Variants in NTN1 observed in about 807,000 individuals in gnomAD.
The protein encoded by NTN1 is netrin 1, also known as netrin-1.
A neutral mutation model predicts 54.2 loss-of-function variants in NTN1; 11 were observed. The ratio of observed to expected loss-of-function variants is 0.20; its 90% CI spans 0.13 to 0.34. The LOEUF (loss-of-function observed/expected upper bound fraction) is 0.34. Ranked by LOEUF, NTN1 falls within the 10% of genes least tolerant of loss-of-function variation. NTN1 has a pLI of 1.00. For synonymous variants in NTN1, 371 were observed against 382.0 expected, an observed-to-expected ratio of 0.97 and a Z score of 0.33; for missense variants, 740 against 893.1, an observed-to-expected ratio of 0.83 and a Z score of 2.18.
At chr17:9,191,895 AG>A (rs1358524714) in intron 5 of NTN1, among the ~76,000 whole-genome samples, 7 of 135,222 alleles carry the variant, frequency 5.2e-5, no homozygotes, top group African/African-American at 1.9e-4. Context: ...AAAAAAATCC[AG>A]GGGTGTTGGC....
In NTN1 at chr17:9,236,597, T is replaced by C. The variant is rs190454730; in HGVS notation, c.1487-3043T>C. Among the ~76,000 whole-genome samples, 67 of 152,342 alleles carry C rather than the reference T, an allele frequency of 4.4e-4. No homozygotes were observed. The East Asian group carries it at 9.3e-3, about 21-fold the overall frequency. ...CATGAGTCCTACCACTACCTGTCCC[T>C]GCCCCTGCGGCCAGGACAGCTCCCA... On this transcript the variant is annotated intron_variant, in intron 6 of 6. Transcript: ENST00000173229.
chr17:9,096,154 CA>C (rs752290759), intron 2 of NTN1, among the ~76,000 whole-genome samples: 5 of 152,004 alleles, frequency 3.3e-5, no homozygotes, highest in Non-Finnish European at 5.9e-5. Context: ...ATCAGGTATC[CA>C]CATGGTTTCC....
intron 2 of NTN1, among the ~76,000 whole-genome samples, chr17:9,126,481 A>G (rs2092247686): frequency 6.7e-6 from 1 of 149,134 alleles, no homozygotes; most frequent in African/African-American, 2.5e-5. Context: ...TTGCACTCCC[A>G]GCCTGGGTGA....
upstream of NTN1, among the ~76,000 whole-genome samples, chr17:9,020,177 A>G (rs1170355023): frequency 2.0e-5 from 3 of 152,194 alleles, no homozygotes; most frequent in Admixed American, 6.5e-5. Flanking sequence ...AATAAGACAA[A>G]CTGAGGCACT....
chr17:9,189,800 C>G (rs1222188385), intron 5 of NTN1, among the ~76,000 whole-genome samples: 1 of 152,174 alleles, frequency 6.6e-6, no homozygotes, highest in Non-Finnish European at 1.5e-5. Flanking sequence ...AAAGCCACTG[C>G]CTTTTACAGG....
intron 2 of NTN1, among the ~76,000 whole-genome samples, chr17:9,142,373 A>T (rs2092300778): frequency 6.6e-6 from 1 of 151,978 alleles, no homozygotes; most frequent in African/African-American, 2.4e-5. Flanking sequence ...GCCAGACAAG[A>T]TGTACAACCT....
At chr17:9,198,875 G>A (rs545364466) in intron 5 of NTN1, among the ~76,000 whole-genome samples, 10 of 152,258 alleles carry the variant, frequency 6.6e-5, no homozygotes, top group African/African-American at 2.4e-4. Flanking sequence ...AGGACTAACC[G>A]CTTTCACCTA....
chr17:9,162,551 G>A (rs1216205170), intron 2 of NTN1, among the ~76,000 whole-genome samples: 1 of 152,234 alleles, frequency 6.6e-6, no homozygotes, highest in Non-Finnish European at 1.5e-5. Flanking sequence ...TCCAAATATG[G>A]TCACATTCTG....
the NTN1 span, among the ~76,000 whole-genome samples, chr17:9,013,216 C>CT: frequency 0.34 from 39,804 of 118,668 alleles, 6,735 homozygotes; most frequent in African/African-American, 0.4. Flanking sequence ...TTTTCTTTTT[C>CT]TTTTTTTTTT....
intron 2 of NTN1, among the ~76,000 whole-genome samples, chr17:9,084,200 C>T (rs965266453): frequency 8.6e-5 from 13 of 151,836 alleles, no homozygotes; most frequent in Admixed American, 1.3e-4. Context: ...CTCCGCCTCC[C>T]GGGTTTAAGT....
chr17:9,133,777 AT>A (rs1287975362), intron 2 of NTN1, among the ~76,000 whole-genome samples: 55 of 63,296 alleles, frequency 8.7e-4, no homozygotes, highest in African/African-American at 3.7e-3. Flanking sequence ...TTTTTTTTGT[AT>A]TTTAGTAGAG....
intron 2 of NTN1, among the ~76,000 whole-genome samples, chr17:9,114,166 A>AAAAAATATATATATATATATATATAT (rs1555569108): frequency 4.0e-5 from 3 of 74,622 alleles, no homozygotes. Flanking sequence ...AAAAAAAAAA[A>AAAAAATATATATATATATATATATAT]ATATATATAT....
rs1352695014 is a variant in NTN1, at chr17:9,135,544, G to T, written c.1019-27269G>T. Among the ~76,000 whole-genome samples the T allele has an allele frequency of 6.6e-6, 1 of 152,224 alleles. No individual in the cohort carries two copies. The highest frequency in any genetic ancestry group is 1.5e-5 in the Non-Finnish European group (1 of 68,050). On this transcript the variant is annotated intron_variant, in intron 2 of 6. Transcript: ENST00000173229. This position sits in a 1 kb window ranked among gnomAD's most constrained non-coding sequence, Gnocchi z 4.4. Reference sequence around the variant, plus strand: ...GACTCTCCTAAGTTCTGAATGCAGAGGATTGGCTGAGATCCACGCTTCTTG... The same window carrying T: ...GACTCTCCTAAGTTCTGAATGCAGATGATTGGCTGAGATCCACGCTTCTTG...
At chr17:9,204,325 T>C (rs915984411) in intron 5 of NTN1, among the ~76,000 whole-genome samples, 7 of 151,142 alleles carry the variant, frequency 4.6e-5, no homozygotes, top group African/African-American at 1.7e-4. Flanking sequence ...TCTGACAGAG[T>C]CTCTGTTGCC....
At chr17:9,217,288 C>T (rs987969847) in intron 5 of NTN1, among the ~76,000 whole-genome samples, 2 of 152,180 alleles carry the variant, frequency 1.3e-5, no homozygotes, top group African/African-American at 4.8e-5. Context: ...GCTTAGTCCA[C>T]CACCATCTGC....
At chr17:9,193,658 C>G (rs1405119962) in intron 5 of NTN1, among the ~76,000 whole-genome samples, 1 of 152,194 alleles carries the variant, frequency 6.6e-6, no homozygotes, top group Non-Finnish European at 1.5e-5. Context: ...CACGGTGGCT[C>G]ACGCCTGTAA....
intron 2 of NTN1, among the ~76,000 whole-genome samples, chr17:9,085,700 A>G (rs1247263366): frequency 6.6e-6 from 1 of 152,202 alleles, no homozygotes; most frequent in Non-Finnish European, 1.5e-5. Context: ...AGGACTTTGC[A>G]TGGGGCCCAC....
chr17:9,040,118 G>A (rs1036743947), intron 2 of NTN1, among the ~76,000 whole-genome samples: 1 of 152,184 alleles, frequency 6.6e-6, no homozygotes, highest in African/African-American at 2.4e-5. Context: ...GTGTATGAGA[G>A]TTCTAGTTTC....
intron 2 of NTN1, among the ~76,000 whole-genome samples, chr17:9,122,038 AT>A (rs36009443): frequency 0.27 from 37,667 of 138,376 alleles, 5,010 homozygotes; most frequent in East Asian, 0.65. Context: ...TCTGAGTTAC[AT>A]TTTTTTTTTT....
Sources: allele counts gnomAD v4.1 joint callset (sites outside exome capture counted in the v4.1 genomes callset), GRCh38; gene constraint gnomAD v4.1.1; non-coding constraint Gnocchi (gnomAD v3.1); transcripts MANE v1.5; gene names NCBI Gene and HGNC (gene_info 2026-07-23, HGNC 2026-07-21).